ENPP6: variants seen among roughly 807,000 people sequenced by gnomAD.
ENPP6 encodes glycerophosphocholine cholinephosphodiesterase ENPP6.
A neutral mutation model predicts 42.0 loss-of-function variants in ENPP6; 32 were observed. The observed-to-expected ratio is 0.76, with a 90% CI of 0.58 to 1.02. The LOEUF (loss-of-function observed/expected upper bound fraction) is 1.02, where lower values mean the gene tolerates loss of function less well. ENPP6 is among the 50% of genes least tolerant of loss of function. The probability of loss-of-function intolerance (pLI) is 0.00; values close to 1 mark genes in which losing one functional copy is unlikely to be tolerated. For synonymous variants in ENPP6, 213 were observed against 216.0 expected, an observed-to-expected ratio of 0.99 and a Z score of 0.12; for missense variants, 552 against 566.8, an observed-to-expected ratio of 0.97 and a Z score of 0.27.
At chr4:184,152,219 G>T (rs1318251978) in intron 2 of ENPP6, among the ~76,000 whole-genome samples, 1 of 152,170 alleles carries the variant, frequency 6.6e-6, no homozygotes, top group Non-Finnish European at 1.5e-5. Context: ...GCCCTCCGCG[G>T]TCTCCGTGTG....
intron 6 of ENPP6, among the ~76,000 whole-genome samples, chr4:184,108,535 T>C (rs1210073045): frequency 6.6e-6 from 1 of 152,206 alleles, no homozygotes; most frequent in Non-Finnish European, 1.5e-5. Flanking sequence ...AAGGAAGAAG[T>C]TTAAGCCAAT....
intron 1 of ENPP6, among the ~76,000 whole-genome samples, chr4:184,200,300 A>C (rs1025807652): frequency 2.0e-5 from 3 of 152,202 alleles, no homozygotes; most frequent in Non-Finnish European, 4.4e-5. Context: ...CCCACTCGGC[A>C]CATCTGTTGG....
chr4:184,165,447 C>G (rs2111087699), intron 1 of ENPP6, among the ~76,000 whole-genome samples: 1 of 152,318 alleles, frequency 6.6e-6, no homozygotes, highest in South Asian at 2.1e-4. Context: ...CACCTGCTCC[C>G]CTCCAGCCAC....
intron 2 of ENPP6, among the ~76,000 whole-genome samples, chr4:184,136,496 T>A (rs927539589): frequency 8.5e-5 from 13 of 152,234 alleles, no homozygotes; most frequent in Non-Finnish European, 1.6e-4. Flanking sequence ...TCTAAAGAAG[T>A]TAATATTTCC....
rs1189320743 is a variant in ENPP6 at position 184,214,122 on chromosome 4, G to C, written c.241+3457C>G. Among the ~76,000 whole-genome samples, 4 of 143,422 alleles carry C rather than the reference G, an allele frequency of 2.8e-5. No individual in the cohort carries two copies. In the East Asian group the frequency reaches 8.0e-4, roughly 29 times the overall value. The allele number at this position is 143,422 out of a possible 152,430, so 94.1% of individuals were successfully genotyped here. ...GGGGGAGGCGGGAGGGATAGCATTG[G>C]GAGATATACCTAATGCTAGATGACG... On this transcript the variant is annotated intron_variant, in intron 1 of 7. Transcript: ENST00000296741.
chr4:184,131,247 T>TCC lies in ENPP6; in HGVS notation c.422-6976_422-6975insGG, dbSNP rs1491317940. On this transcript the variant is annotated intron_variant, in intron 2 of 7. Coordinates refer to ENST00000296741, the MANE Select transcript of ENPP6 (RefSeq NM_153343.4). ...CTTTCTTTCTTTCCTTTTCTTTCTT[T>TCC]CTTTCTCTTTCTCTTCCTTCCTTCC... Among the ~76,000 whole-genome samples, 7 of 73,182 alleles carry TCC rather than the reference T, an allele frequency of 9.6e-5. 1 individual carries two copies. Among genetic ancestry groups the TCC allele is most frequent in the Admixed American group, 1.3e-4 (1 of 7,854 alleles). The allele number at this position is 73,182 out of a possible 152,430, so 48.0% of individuals were successfully genotyped here. A position where few individuals can be genotyped will look rare whatever the true frequency, so the allele number is the denominator to read the frequency against.
chr4:184,205,395 C>T (rs573978878), intron 1 of ENPP6, among the ~76,000 whole-genome samples: 11 of 152,366 alleles, frequency 7.2e-5, no homozygotes, highest in Admixed American at 5.2e-4. Flanking sequence ...CAGCGATGCC[C>T]AGCTTGGGCC....
intron 6 of ENPP6, among the ~76,000 whole-genome samples, chr4:184,109,698 G>A (rs1013282093): frequency 3.3e-5 from 5 of 152,170 alleles, no homozygotes; most frequent in Non-Finnish European, 5.9e-5. Flanking sequence ...TCCTTTGGAA[G>A]TGATTGTATA....
At chr4:184,102,217 A>C (rs948199600) in intron 6 of ENPP6, among the ~76,000 whole-genome samples, 3 of 152,182 alleles carry the variant, frequency 2.0e-5, no homozygotes, top group East Asian at 3.8e-4. Context: ...TGCATTCAGC[A>C]TTGTAGGATT....
At chr4:184,136,968 C>T (rs1736739179) in intron 2 of ENPP6, among the ~76,000 whole-genome samples, 1 of 152,204 alleles carries the variant, frequency 6.6e-6, no homozygotes, top group South Asian at 2.1e-4. Flanking sequence ...TTCTTTTCTG[C>T]CTTGTTCATC....
At chr4:184,175,372 A>G (rs932338319) in intron 1 of ENPP6, among the ~76,000 whole-genome samples, 2 of 152,212 alleles carry the variant, frequency 1.3e-5, no homozygotes, top group South Asian at 2.1e-4. Flanking sequence ...CAGATAATTC[A>G]TGTAACTGAA....
At chr4:184,136,223 A>ATATAT (rs1736728466) in intron 2 of ENPP6, among the ~76,000 whole-genome samples, 3 of 151,332 alleles carry the variant, frequency 2.0e-5, no homozygotes, top group Non-Finnish European at 4.4e-5. Context: ...ATATAAATAT[A>ATATAT]AAATTTATAT....
intron 6 of ENPP6, among the ~76,000 whole-genome samples, chr4:184,103,294 G>A (rs986859938): frequency 2.6e-5 from 4 of 152,188 alleles, no homozygotes; most frequent in Admixed American, 2.0e-4. Context: ...TGGGGTCAGG[G>A]ACCCAAGTTC....
intron 6 of ENPP6, among the ~76,000 whole-genome samples, chr4:184,112,015 T>C (rs1163774491): frequency 6.6e-6 from 1 of 152,194 alleles, no homozygotes; most frequent in East Asian, 1.9e-4. Flanking sequence ...GCAACCCACC[T>C]TCAAATTCCT....
At chr4:184,130,453 G>T in intron 2 of ENPP6, among the ~76,000 whole-genome samples, 1 of 93,846 alleles carries the variant, frequency 1.1e-5, no homozygotes, top group African/African-American at 4.0e-5. Context: ...AGCTACTCGG[G>T]AGGCTGAGGC....
chr4:184,131,093 A>G lies in ENPP6; in HGVS notation c.422-6821T>C, dbSNP rs1736602667. 2.0e-5 allele frequency among the ~76,000 whole-genome samples: 3 copies of G among 152,172 alleles called. No individual in the cohort carries two copies. The South Asian group carries it at 6.2e-4, about 32-fold the overall frequency. ...ACAGTCAACTTTATAAGATAATGTC[A>G]AAGAGTTTTGTAAAGCTATTGTTTC... is the stretch of plus-strand genomic sequence containing the variant. On this transcript the variant is annotated intron_variant, in intron 2 of 7. Transcript: ENST00000296741.
intron 5 of ENPP6, among the ~76,000 whole-genome samples, chr4:184,115,613 C>G (rs972883195): frequency 6.6e-6 from 1 of 152,136 alleles, no homozygotes; most frequent in Non-Finnish European, 1.5e-5. Context: ...GCTCAGCGTG[C>G]TTCCATATCC....
chr4:184,111,637 G>A (rs562236038), intron 6 of ENPP6, among the ~76,000 whole-genome samples: 10 of 152,344 alleles, frequency 6.6e-5, no homozygotes, highest in African/African-American at 1.7e-4. Flanking sequence ...TCTGCTCTGC[G>A]CAACTCACAC....
chr4:184,168,933 T>A lies in ENPP6; in HGVS notation c.242-15200A>T, dbSNP rs886408006. Among the ~76,000 whole-genome samples, 7 of 151,624 alleles carry A rather than the reference T, an allele frequency of 4.6e-5. No individual in the cohort carries two copies. In the East Asian group the frequency reaches 1.4e-3, roughly 30 times the overall value. ...TCCTCATTCCCCCACCCCACCCTCC[T>A]AACCCTTGTTGTGTTTCATTTTCCC... On this transcript the variant is annotated intron_variant, in intron 1 of 7. Coordinates refer to ENST00000296741, the MANE Select transcript of ENPP6 (RefSeq NM_153343.4).
Sources: gnomAD v4.1 joint callset for allele counts (sites outside exome capture counted in the v4.1 genomes callset) on GRCh38, gnomAD v4.1.1 for gene constraint, MANE v1.5 for transcripts, NCBI Gene and HGNC (gene_info 2026-07-23, HGNC 2026-07-21) for gene names.